Variants in GPC5 observed in about 807,000 individuals in gnomAD.
GPC5 encodes glypican 5, also known as glypican-5.
A neutral mutation model predicts 53.9 loss-of-function variants in GPC5; 47 were observed. That is an observed-to-expected ratio of 0.87 (90% CI 0.69 to 1.11). The LOEUF (loss-of-function observed/expected upper bound fraction) is 1.11. Ranked by LOEUF, GPC5 falls within the 50% of genes most tolerant of loss-of-function variation. The pLI is 0.00. For missense variants in GPC5, 748 were observed against 713.1 expected, an observed-to-expected ratio of 1.05 and a Z score of -0.56; for synonymous variants, 286 against 263.3, an observed-to-expected ratio of 1.09 and a Z score of -0.84.
intron 7 of GPC5, among the ~76,000 whole-genome samples, chr13:92,178,415 AAT>A (rs1363753766): frequency 6.6e-6 from 1 of 150,586 alleles, no homozygotes; most frequent in East Asian, 1.9e-4. Context: ...CCATCATTTT[AAT>A]ATATATATTT....
intron 5 of GPC5, among the ~76,000 whole-genome samples, chr13:91,794,584 C>A (rs2038019128): frequency 6.6e-6 from 1 of 152,186 alleles, no homozygotes. Flanking sequence ...GAGATGGCTC[C>A]TGTTAATTTT....
At chr13:92,249,033 A>T (rs2042673544) in intron 7 of GPC5, among the ~76,000 whole-genome samples, 2 of 151,988 alleles carry the variant, frequency 1.3e-5, no homozygotes, top group South Asian at 2.1e-4. Context: ...TATTTTTTAA[A>T]TTTTTTGTGG....
At chr13:91,401,803 A>G (rs1460086078) in intron 1 of GPC5, among the ~76,000 whole-genome samples, 1 of 152,112 alleles carries the variant, frequency 6.6e-6, no homozygotes, top group Non-Finnish European at 1.5e-5. Context: ...GATTCCCCTC[A>G]CCTTTGTTCT....
chr13:91,724,616 A>T (rs1019133601), intron 3 of GPC5, among the ~76,000 whole-genome samples: 2 of 152,096 alleles, frequency 1.3e-5, no homozygotes, highest in Non-Finnish European at 2.9e-5. Context: ...TGGGAGGCTG[A>T]GGTGGGAGGA....
intron 7 of GPC5, among the ~76,000 whole-genome samples, chr13:92,261,024 T>C (rs542650373): frequency 1.3e-5 from 2 of 152,320 alleles, no homozygotes; most frequent in South Asian, 4.1e-4. Context: ...CCAAAACTAA[T>C]ATCCCAATAC....
chr13:92,612,171 A>G (rs1884459609), intron 7 of GPC5, among the ~76,000 whole-genome samples: 3 of 152,094 alleles, frequency 2.0e-5, no homozygotes, highest in Admixed American at 6.6e-5. Context: ...ATCCCTATTC[A>G]TGGCAATCTG....
intron 7 of GPC5, among the ~76,000 whole-genome samples, chr13:92,551,842 G>A (rs1010693466): frequency 6.6e-6 from 1 of 151,828 alleles, no homozygotes; most frequent in Non-Finnish European, 1.5e-5. Context: ...ACCAGTTGGT[G>A]AGAGAGAGAA....
At chr13:92,742,528 G>A (rs1235269713) in intron 7 of GPC5, among the ~76,000 whole-genome samples, 3 of 146,674 alleles carry the variant, frequency 2.0e-5, no homozygotes, top group Non-Finnish European at 4.5e-5. Flanking sequence ...CCATGTTGTA[G>A]GTTGCCTGTT....
At chr13:92,091,150 T>A (rs899622196) in intron 6 of GPC5, among the ~76,000 whole-genome samples, 1 of 152,114 alleles carries the variant, frequency 6.6e-6, no homozygotes, top group African/African-American at 2.4e-5. Context: ...TAAGACACCA[T>A]GACAATATAA....
chr13:92,380,086 A>G (rs1242659732), intron 7 of GPC5, among the ~76,000 whole-genome samples: 2 of 152,206 alleles, frequency 1.3e-5, no homozygotes, highest in African/African-American at 4.8e-5. Context: ...ATGCAAAGCT[A>G]CCCTTCAGCC....
At chr13:91,863,573 T>C (rs1265786681) in intron 5 of GPC5, among the ~76,000 whole-genome samples, 1 of 152,124 alleles carries the variant, frequency 6.6e-6, no homozygotes, top group Non-Finnish European at 1.5e-5. Context: ...TCTCTCTATA[T>C]ATATTTTTTC....
intron 7 of GPC5, among the ~76,000 whole-genome samples, chr13:92,798,297 T>C (rs1216049461): frequency 2.0e-5 from 3 of 151,934 alleles, no homozygotes; most frequent in Admixed American, 1.3e-4. Flanking sequence ...CAAGATGATA[T>C]ACACTCAGCA....
chr13:92,865,236 CT>C (rs980662147), intron 7 of GPC5, among the ~76,000 whole-genome samples: 3 of 151,962 alleles, frequency 2.0e-5, no homozygotes, highest in South Asian at 2.1e-4. Context: ...ACTTTGCCCG[CT>C]TTTTTTTAAA....
chr13:91,676,474 A>G (rs1286316977), intron 2 of GPC5, among the ~76,000 whole-genome samples: 3 of 152,240 alleles, frequency 2.0e-5, no homozygotes, highest in Non-Finnish European at 4.4e-5. Context: ...ATGAAAAAAA[A>G]GTCAGCTTTT....
At chr13:92,789,627 A>G (rs1242482943) in intron 7 of GPC5, among the ~76,000 whole-genome samples, 11 of 152,158 alleles carry the variant, frequency 7.2e-5, no homozygotes, top group Non-Finnish European at 8.8e-5. Context: ...AGATTAGGTA[A>G]TTTGCTCAAG....
At chr13:92,560,220 A>T (rs1170565176) in intron 7 of GPC5, among the ~76,000 whole-genome samples, 1 of 151,232 alleles carries the variant, frequency 6.6e-6, no homozygotes, top group African/African-American at 2.5e-5. Context: ...GACTACTTTG[A>T]TTACAAAATA....
intron 2 of GPC5, among the ~76,000 whole-genome samples, chr13:91,496,082 A>G (rs1158531473): frequency 2.0e-5 from 3 of 152,212 alleles, no homozygotes; most frequent in Admixed American, 2.0e-4. Context: ...AATCTTTTAT[A>G]GCTGACTCTA....
chr13:92,799,300 T>C (rs1226343889), intron 7 of GPC5, among the ~76,000 whole-genome samples: 2 of 151,818 alleles, frequency 1.3e-5, no homozygotes, highest in Non-Finnish European at 2.9e-5. Flanking sequence ...AACAGACACA[T>C]ATTAATATAA....
chr13:91,626,689 C>T (rs552008934), intron 2 of GPC5, among the ~76,000 whole-genome samples: 6 of 151,760 alleles, frequency 4.0e-5, no homozygotes, highest in East Asian at 1.9e-4. Flanking sequence ...ATTTATTATA[C>T]TTTAAGTTCT....
Sources: allele counts gnomAD v4.1 joint callset (sites outside exome capture counted in the v4.1 genomes callset), GRCh38; gene constraint gnomAD v4.1.1; transcripts MANE v1.5; gene names NCBI Gene and HGNC (gene_info 2026-07-23, HGNC 2026-07-21).